The following NLGN1 variants were observed in gnomAD, a reference collection of about 807,000 sequenced individuals.
The protein encoded by NLGN1 is neuroligin-1.
NLGN1 carries 12 observed loss-of-function variants against 65.5 expected under a neutral mutation model. The ratio of observed to expected loss-of-function variants is 0.18; its 90% CI spans 0.12 to 0.30. The LOEUF is 0.30. NLGN1 is among the 10% of genes least tolerant of loss of function. The pLI is 1.00. For missense variants in NLGN1, 750 were observed against 1,007.1 expected (o/e 0.74, Z 3.46); for synonymous variants, 350 against 359.5 (o/e 0.97, Z 0.30).
chr3:174,220,166 G>A (rs1738374076), intron 4 of NLGN1, among the ~76,000 whole-genome samples: 1 of 152,122 alleles, frequency 6.6e-6, no homozygotes, highest in African/African-American at 2.4e-5. Flanking sequence ...GGGACTATGT[G>A]AGCAGATTCT....
chr3:174,277,094 T>TTTTA (rs1750722651), intron 5 of NLGN1, among the ~76,000 whole-genome samples: 1 of 151,900 alleles, frequency 6.6e-6, no homozygotes, highest in Non-Finnish European at 1.5e-5. Context: ...AAATACAACA[T>TTTTA]TTTATTATAC....
chr3:174,075,651 A>G (rs1740753247), intron 4 of NLGN1, among the ~76,000 whole-genome samples: 1 of 152,190 alleles, frequency 6.6e-6, no homozygotes, highest in Admixed American at 6.6e-5. Flanking sequence ...AAGACTGGTA[A>G]GCATTTCTAT....
chr3:173,585,345 C>A (rs865935647), intron 2 of NLGN1, among the ~76,000 whole-genome samples: 1 of 152,110 alleles, frequency 6.6e-6, no homozygotes, highest in Admixed American at 6.5e-5. Context: ...GCAGCGGTGC[C>A]TTGGAAAACC....
chr3:174,006,027 C>T (rs1724306480), intron 4 of NLGN1, among the ~76,000 whole-genome samples: 5 of 152,152 alleles, frequency 3.3e-5, no homozygotes. Context: ...CCTCTGCCTT[C>T]ACCCCCTCCA....
chr3:173,792,034 G>T (rs576271788), intron 3 of NLGN1, among the ~76,000 whole-genome samples: 1 of 152,210 alleles, frequency 6.6e-6, no homozygotes, highest in African/African-American at 2.4e-5. Context: ...AGAGAAAGGG[G>T]CAGAGAATTG....
chr3:173,837,323 G>A (rs754314434), intron 4 of NLGN1, among the ~76,000 whole-genome samples: 1 of 151,996 alleles, frequency 6.6e-6, no homozygotes, highest in Non-Finnish European at 1.5e-5. Flanking sequence ...ATACTTTAGA[G>A]TAACATTTTC....
intron 2 of NLGN1, among the ~76,000 whole-genome samples, chr3:173,444,092 A>G (rs914994081): frequency 9.9e-5 from 15 of 152,252 alleles, no homozygotes; most frequent in Non-Finnish European, 1.3e-4. Flanking sequence ...TATACTGGGC[A>G]TCTTTCTAAA....
intron 3 of NLGN1, among the ~76,000 whole-genome samples, chr3:173,642,415 T>C (rs1018555862): frequency 2.0e-5 from 3 of 152,092 alleles, no homozygotes; most frequent in African/African-American, 7.2e-5. Context: ...TTGGGGGGTC[T>C]CCCTTGAGTA....
chr3:173,850,212 C>A (rs963640493), intron 4 of NLGN1, among the ~76,000 whole-genome samples: 1 of 152,024 alleles, frequency 6.6e-6, no homozygotes, highest in Non-Finnish European at 1.5e-5. Flanking sequence ...TCCATTTATT[C>A]ATATATATCT....
chr3:173,537,087 T>G (rs764178936), intron 2 of NLGN1, among the ~76,000 whole-genome samples: 6 of 152,194 alleles, frequency 3.9e-5, no homozygotes, highest in Non-Finnish European at 8.8e-5. Context: ...GAAGGTAATC[T>G]GTGTTACTGA....
At chr3:173,587,696 A>T (rs1418217719) in intron 2 of NLGN1, among the ~76,000 whole-genome samples, 5 of 152,176 alleles carry the variant, frequency 3.3e-5, no homozygotes, top group African/African-American at 1.2e-4. Context: ...GGAAGCTGTC[A>T]ATTAGCCCTG....
At chr3:174,062,729 A>G (rs955840373) in intron 4 of NLGN1, among the ~76,000 whole-genome samples, 1 of 152,022 alleles carries the variant, frequency 6.6e-6, no homozygotes, top group Admixed American at 6.6e-5. Flanking sequence ...TGAAATTGCT[A>G]TCTTTGTGAT....
chr3:174,270,478 T>C (rs1352500028), intron 4 of NLGN1, among the ~76,000 whole-genome samples: 2 of 151,856 alleles, frequency 1.3e-5, no homozygotes, highest in Non-Finnish European at 2.9e-5. Context: ...AGGATTTAAA[T>C]ACATTATATT....
At chr3:173,698,038 A>G (rs1370281637) in intron 3 of NLGN1, among the ~76,000 whole-genome samples, 1 of 151,974 alleles carries the variant, frequency 6.6e-6, no homozygotes, top group Non-Finnish European at 1.5e-5. Context: ...AAAATGAAAA[A>G]AAAAAAAAAC....
At chr3:173,797,696 C>CAA (rs112560290) in intron 3 of NLGN1, among the ~76,000 whole-genome samples, 5,429 of 144,608 alleles carry the variant, frequency 0.038, 102 homozygotes, top group Non-Finnish European at 0.046. Flanking sequence ...ACAACAACAA[C>CAA]AACAAAAAAA....
intron 4 of NLGN1, among the ~76,000 whole-genome samples, chr3:173,974,839 T>C (rs1717065565): frequency 6.6e-6 from 1 of 152,096 alleles, no homozygotes; most frequent in Non-Finnish European, 1.5e-5. Flanking sequence ...TATAGTCTTA[T>C]TGTCTTATTT....
intron 4 of NLGN1, among the ~76,000 whole-genome samples, chr3:174,137,029 A>G (rs550176122): frequency 6.6e-6 from 1 of 152,296 alleles, no homozygotes; most frequent in African/African-American, 2.4e-5. Flanking sequence ...AGGCAAAATC[A>G]TCTAACAAAA....
At chr3:174,043,235 A>G (rs1347268702) in intron 4 of NLGN1, among the ~76,000 whole-genome samples, 1 of 152,182 alleles carries the variant, frequency 6.6e-6, no homozygotes, top group Admixed American at 6.5e-5. Context: ...GGACACAGCC[A>G]AACCATATCA....
intron 4 of NLGN1, among the ~76,000 whole-genome samples, chr3:174,259,515 A>G (rs150508975): frequency 1.3e-5 from 2 of 152,050 alleles, no homozygotes; most frequent in African/African-American, 2.4e-5. Flanking sequence ...AATCTATTCT[A>G]AAGTAATGAA....
Sources: allele counts gnomAD v4.1 joint callset (sites outside exome capture counted in the v4.1 genomes callset), GRCh38; gene constraint gnomAD v4.1.1; transcripts MANE v1.5; gene names NCBI Gene and HGNC (gene_info 2026-07-23, HGNC 2026-07-21).